The following KANK2 variants were observed in gnomAD, a reference collection of about 807,000 sequenced individuals.
The protein encoded by KANK2 is KN motif and ankyrin repeat domains 2, also known as KN motif and ankyrin repeat domain-containing protein 2.
A neutral mutation model predicts 74.6 loss-of-function variants in KANK2; 41 were observed. That is an observed-to-expected ratio of 0.55 (90% CI 0.43 to 0.71). KANK2 has a LOEUF of 0.71. Ranked by LOEUF, KANK2 falls within the 30% of genes least tolerant of loss-of-function variation. The probability of loss-of-function intolerance (pLI) is 0.00; values close to 1 mark genes in which losing one functional copy is unlikely to be tolerated. For missense variants in KANK2, 1,148 were observed against 1,196.4 expected, an observed-to-expected ratio of 0.96 and a Z score of 0.60; for synonymous variants, 537 against 519.0, an observed-to-expected ratio of 1.03 and a Z score of -0.47.
chr19:11,188,597 C>A (rs2078745823), intron 4 of KANK2, among the ~76,000 whole-genome samples: 1 of 150,704 alleles, frequency 6.6e-6, no homozygotes, highest in African/African-American at 2.4e-5. Context: ...CGAGCCTTTG[C>A]TTATCTCAGG....
intron 4 of KANK2, among the ~76,000 whole-genome samples, chr19:11,191,496 C>T (rs2078844106): frequency 6.6e-6 from 1 of 152,234 alleles, no homozygotes; most frequent in African/African-American, 2.4e-5. Flanking sequence ...GGCCACAGGG[C>T]TTGGGTGGGG....
Position 11,173,208 on chromosome 19 carries a change from C to T in KANK2, c.2069-85G>A. 2.8e-6 allele frequency: 4 copies of T among 1,427,250 alleles called. No homozygotes were observed. The East Asian group carries it at 9.2e-5, about 33-fold the overall frequency. The allele number at this position is 1,427,250 out of a possible 1,614,324, so 88.4% of individuals were successfully genotyped here. ...AACGTGGATACCACGTCTCGTCCAT[C>T]AGTCTAGGCATGCCCTAATCCCTCC... On this transcript the variant is annotated intron_variant, in intron 9 of 12. Coordinates refer to ENST00000586659, the MANE Select transcript of KANK2 (RefSeq NM_001136191.3).
chr19:11,172,989 C>T lies in KANK2; in HGVS notation c.2203G>A (p.Ala735Thr). 1 of 1,613,436 alleles carries T rather than the reference C, an allele frequency of 6.2e-7. No homozygotes were observed. The highest frequency in any genetic ancestry group is 8.5e-7 in the Non-Finnish European group (1 of 1,179,726). Residue 735 changes from alanine to threonine, a missense_variant, in exon 10 of 13, where the codon GCC (alanine) becomes ACC (threonine). Ala to Thr is a moderately conservative substitution (Grantham distance 58, BLOSUM62 0). Transcript: ENST00000586659. Reference protein sequence around the residue: ...LFRLGNINAKASQAGQTALML... With the variant: ...LFRLGNINAKTSQAGQTALML... The stretch of plus-strand genomic sequence containing the variant: ...AGCCGGGGTCCCCATACCTGGCTGG[C>T]TTTGGCATTGATGTTGCCAAGCCGG...
chr19:11,193,116 C>G lies in KANK2; in HGVS notation c.964G>C (p.Asp322His). 1 of 1,605,830 alleles carries G rather than the reference C, an allele frequency of 6.2e-7. No individual in the cohort carries two copies. Among genetic ancestry groups the G allele is most frequent in the Non-Finnish European group, 8.5e-7 (1 of 1,175,810 alleles). The change falls in exon 4 of 13, where the codon GAC becomes CAC. Residue 322 changes from aspartate to histidine, a missense_variant. Asp to His is a moderately conservative substitution (Grantham distance 81, BLOSUM62 -1). Transcript: ENST00000586659. The surrounding 1 kb of genome is among the most constrained non-coding windows in gnomAD (Gnocchi z 9.6). Reference protein sequence around the residue: ...DPQPQAWPPPDSPVRVDTVRV... With the variant: ...DPQPQAWPPPHSPVRVDTVRV... The stretch of plus-strand genomic sequence containing the variant: ...ACTGTATCCACGCGGACCGGGCTGT[C>G]CGGCGGTGGCCAGGCCTGGGGCTGG...
In KANK2 at chr19:11,166,556, G is replaced by T. The variant is rs4804573; in HGVS notation, c.*2C>A. ...TCTGGCTGGTCCCCGCCTCCCTCAC[G>T]GCTACTCTTCTGCCGAGGATGATGT... On this transcript the variant is annotated 3_prime_UTR_variant, in exon 13 of 13. Transcript: ENST00000586659. 6.2e-7 allele frequency: 1 copy of T among 1,612,012 alleles called. No homozygotes were observed. The highest frequency in any genetic ancestry group is 8.5e-7 in the Non-Finnish European group (1 of 1,178,316).
In KANK2 at chr19:11,185,030, C is replaced by T. The variant is rs556263417; in HGVS notation, c.1250-6310G>A. On this transcript the variant is annotated intron_variant, in intron 4 of 12. Coordinates refer to ENST00000586659, the MANE Select transcript of KANK2 (RefSeq NM_001136191.3). The stretch of plus-strand genomic sequence containing the variant: ...TTCACCATGTTGGCCAGGGTGGTCT[C>T]GACCTCCTGACCTCAGTTGAGCCAC... 2.5e-3 allele frequency among the ~76,000 whole-genome samples: 368 copies of T among 148,570 alleles called. 22 individuals are homozygous for T. Among genetic ancestry groups the T allele is most frequent in the Middle Eastern group, 0.014 (4 of 292 alleles).
At position 11,176,687 on chromosome 19, in the gene KANK2, C is replaced by G; in HGVS notation, c.1651G>C (p.Gly551Arg). Residue 551 changes from glycine to arginine, a missense_variant, in exon 7 of 13, where the codon GGG becomes CGG. By Grantham distance (125) the Gly-to-Arg change is moderately radical. Transcript: ENST00000586659. ...CGGCTGGTCTTGGCCGCTGCCGTCC[C>G]TGCAGGCCTGAGCTGGGGGGCTTCG... ...VAEAPQLRPA[G>R]TAAAKTSRQE... 6.2e-7 allele frequency: 1 copy of G among 1,613,630 alleles called. No homozygotes were observed. The highest frequency in any genetic ancestry group is 1.1e-5 in the South Asian group (1 of 90,946).
rs1009976092 is a variant in KANK2 at position 11,178,288 on chromosome 19, G to T, written c.1520+57C>A. 8.6e-6 allele frequency: 10 copies of T among 1,167,522 alleles called. No individual in the cohort carries two copies. The African/African-American group carries it at 1.5e-4, about 17-fold the overall frequency. The allele number at this position is 1,167,522 out of a possible 1,614,324, so 72.3% of individuals were successfully genotyped here. A position where few individuals can be genotyped will look rare whatever the true frequency, so the allele number is the denominator to read the frequency against. ...GGTAATTAGGAGGCTCTCGTGCGTG[G>T]ATGAATGGAGGAGGGGCGGGAAGTA... On this transcript the variant is annotated intron_variant, in intron 6 of 12. Coordinates refer to ENST00000586659, the MANE Select transcript of KANK2 (RefSeq NM_001136191.3).
chr19:11,184,190 A>ACAGAGCAAGACCC (rs1555818636), intron 4 of KANK2, among the ~76,000 whole-genome samples: 15 of 151,672 alleles, frequency 9.9e-5, no homozygotes, highest in Admixed American at 3.3e-4. Flanking sequence ...AGCCTGGCCA[A>ACAGAGCAAGACCC]CATGGTGAAA....
At chr19:11,190,379 C>T (rs555906144) in intron 4 of KANK2, among the ~76,000 whole-genome samples, 1 of 152,062 alleles carries the variant, frequency 6.6e-6, no homozygotes, top group Non-Finnish European at 1.5e-5. Context: ...CCACCCACCT[C>T]GGCCTCCCAA....
In KANK2 at chr19:11,165,377, G is replaced by C. The variant is rs2078001890; in HGVS notation, c.*1181C>G. The C allele has an allele frequency of 6.6e-6, 1 of 152,176 alleles. No homozygotes were observed. The highest frequency in any genetic ancestry group is 2.4e-5 in the African/African-American group (1 of 41,438). 9.4% of individuals were successfully genotyped at this position (152,176 alleles called of 1,614,324 possible). The stretch of plus-strand genomic sequence containing the variant: ...TGCCCTGTTTTCTTTCCTTTGAGGA[G>C]AGAAATTCTGGAGTCCCGGGGAGGA... On this transcript the variant is annotated 3_prime_UTR_variant, in exon 13 of 13. Coordinates refer to ENST00000586659, the MANE Select transcript of KANK2 (RefSeq NM_001136191.3).
intron 4 of KANK2, among the ~76,000 whole-genome samples, chr19:11,186,622 C>T (rs1170482010): frequency 1.3e-5 from 2 of 151,992 alleles, no homozygotes; most frequent in African/African-American, 2.4e-5. Context: ...TCGCTTGAAC[C>T]CGGGAGGTGG....
intron 8 of KANK2, among the ~76,000 whole-genome samples, chr19:11,175,679 G>A (rs1213131404): frequency 6.6e-6 from 1 of 152,072 alleles, no homozygotes; most frequent in Non-Finnish European, 1.5e-5. Context: ...GGAACCCAAG[G>A]CCAGGCTTGG....
At chr19:11,182,873 TCAAA>T (rs35203951) in intron 4 of KANK2, among the ~76,000 whole-genome samples, 9,183 of 112,818 alleles carry the variant, frequency 0.081, 313 homozygotes, top group Middle Eastern at 0.12. Flanking sequence ...GTAAAAAAAA[TCAAA>T]CAAACTAGAG....
intron 8 of KANK2, among the ~76,000 whole-genome samples, chr19:11,174,945 TTCTCTC>T (rs1182860134): frequency 6.6e-6 from 1 of 150,606 alleles, no homozygotes; most frequent in Non-Finnish European, 1.5e-5. Flanking sequence ...TGGATATAAT[TTCTCTC>T]TCTCTCTTTT....
intron 12 of KANK2, among the ~76,000 whole-genome samples, chr19:11,166,921 G>A (rs1057073694): frequency 2.0e-5 from 3 of 152,146 alleles, no homozygotes; most frequent in African/African-American, 7.2e-5. Context: ...TCCAGGCAGC[G>A]GAAACAGCAC....
intron 4 of KANK2, among the ~76,000 whole-genome samples, chr19:11,183,545 G>C (rs187345779): frequency 2.0e-5 from 3 of 152,318 alleles, no homozygotes; most frequent in Admixed American, 2.0e-4. Context: ...CTGGAGCGCA[G>C]TGGCGTGATC....
chr19:11,192,691 T>C (rs530120450), intron 4 of KANK2, 140 bp downstream of exon 4: 2 of 1,045,008 alleles, frequency 1.9e-6, no homozygotes, highest in East Asian at 5.2e-5. Flanking sequence ...CGCCTCGGCC[T>C]CCCAAAGTGC....
rs757508008 is a variant in KANK2, at chr19:11,175,864, CG to C, written c.1848+37del. 35 of 1,548,058 alleles carry C rather than the reference CG, an allele frequency of 2.3e-5. No individual in the cohort carries two copies. In the South Asian group the frequency reaches 2.8e-4, roughly 12 times the overall value. On this transcript the variant is annotated intron_variant, in intron 8 of 12. Coordinates refer to ENST00000586659, the MANE Select transcript of KANK2 (RefSeq NM_001136191.3). ...CACGGGTGGGGTGGAGGTAGGGGTC[CG>C]GGGGGTGGCCAACCTAGGCCCAGGG...
Sources: allele counts gnomAD v4.1 joint callset (sites outside exome capture counted in the v4.1 genomes callset), GRCh38; gene constraint gnomAD v4.1.1; non-coding constraint Gnocchi (gnomAD v3.1); transcripts MANE v1.5; gene names NCBI Gene and HGNC (gene_info 2026-07-23, HGNC 2026-07-21).